Variants in RYR3 observed in about 807,000 individuals in gnomAD.
The protein encoded by RYR3 is ryanodine receptor 3.
RYR3 carries 207 observed loss-of-function variants against 584.3 expected under a neutral mutation model. That is an observed-to-expected ratio of 0.35 (90% CI 0.32 to 0.40). The LOEUF (loss-of-function observed/expected upper bound fraction) is 0.40, where lower values mean the gene tolerates loss of function less well. RYR3 is among the 10% of genes least tolerant of loss of function. RYR3 has a pLI of 1.00. For missense variants in RYR3, 5,616 were observed against 6,089.2 expected, an observed-to-expected ratio of 0.92 and a Z score of 2.59; for synonymous variants, 2,416 against 2,248.5, an observed-to-expected ratio of 1.07 and a Z score of -2.11.
At chr15:33,457,705 G>T (rs1445115575) in intron 1 of RYR3, among the ~76,000 whole-genome samples, 1 of 152,162 alleles carries the variant, frequency 6.6e-6, no homozygotes, top group African/African-American at 2.4e-5. Flanking sequence ...CTTTAAAATA[G>T]CTAGAAGAAA....
At chr15:33,442,873 T>A (rs920235559) in intron 1 of RYR3, among the ~76,000 whole-genome samples, 1 of 152,254 alleles carries the variant, frequency 6.6e-6, no homozygotes, top group Non-Finnish European at 1.5e-5. Context: ...AAAGCATATT[T>A]GCTCTTACAG....
In RYR3 at chr15:33,749,685, G is replaced by T. The variant is rs564335801; in HGVS notation, c.8200-294G>T. On this transcript the variant is annotated intron_variant, in intron 55 of 103. Coordinates refer to ENST00000634891, the MANE Select transcript of RYR3 (RefSeq NM_001036.6). ...AAGCTGCTGTGAAAAATGATGTGCT[G>T]CCAGCATGCGGGTTCAAGTGGAAAT... Among the ~76,000 whole-genome samples the T allele has an allele frequency of 2.6e-5, 4 of 152,288 alleles. No individual in the cohort carries two copies. The East Asian group carries it at 7.7e-4, about 29-fold the overall frequency.
At chr15:33,844,110 T>C (rs1208219788) in intron 92 of RYR3, among the ~76,000 whole-genome samples, 3 of 152,246 alleles carry the variant, frequency 2.0e-5, no homozygotes, top group African/African-American at 7.2e-5. Context: ...ATTCTCGACA[T>C]AGTCTTTAAC....
At chr15:33,661,169 T>C (rs2063137810) in intron 34 of RYR3, among the ~76,000 whole-genome samples, 1 of 152,070 alleles carries the variant, frequency 6.6e-6, no homozygotes, top group Non-Finnish European at 1.5e-5. Flanking sequence ...CCCAGCCAAG[T>C]AAGTCAATTC....
In RYR3 at chr15:33,664,589, G is replaced by GTGTGTATATATATA. The variant is rs577496539; in HGVS notation, c.5619+853_5619+854insGTGTATATATATAT. On this transcript the variant is annotated intron_variant, in intron 36 of 103. Coordinates refer to ENST00000634891, the MANE Select transcript of RYR3 (RefSeq NM_001036.6). The stretch of plus-strand genomic sequence containing the variant: ...TATATAGATATATGTGTGTGTGTGT[G>GTGTGTATATATATA]TATATATATATATATATATATATAT... Among the ~76,000 whole-genome samples, 32 of 91,372 alleles carry GTGTGTATATATATA rather than the reference G, an allele frequency of 3.5e-4. 1 individual carries two copies. Among genetic ancestry groups the GTGTGTATATATATA allele is most frequent in the East Asian group, 9.3e-4 (3 of 3,218 alleles). 59.9% of individuals were successfully genotyped at this position (91,372 alleles called of 152,430 possible).
rs2073310304 is a variant in RYR3, at chr15:33,768,667, C to G, written c.8715C>G (p.Cys2905Trp). 6.2e-7 allele frequency: 1 copy of G among 1,613,872 alleles called. No homozygotes were observed. The highest frequency in any genetic ancestry group is 1.3e-5 in the African/African-American group (1 of 74,918). Residue 2905 changes from cysteine (C) to tryptophan (W), a missense_variant, in exon 61 of 104, where the codon TGC (cysteine) becomes TGG (tryptophan). Cys to Trp is a radical substitution (Grantham distance 215). Coordinates refer to ENST00000634891, the MANE Select transcript of RYR3 (RefSeq NM_001036.6). ...TTCTTTTCTGCTTCAGCCTGTTCTG[C>G]AAACTTGCCGCTCTCGTTAGACACA... is the stretch of plus-strand genomic sequence containing the variant. The part of the protein sequence containing the change: ...KEKEMVAGLF[C>W]KLAALVRHRI...
chr15:33,623,686 G>A (rs973999021), intron 19 of RYR3, 121 bp from the exon 20 acceptor site: 78 of 698,878 alleles, frequency 1.1e-4, no homozygotes, highest in African/African-American at 1.4e-4. Flanking sequence ...ACCTGAAGTC[G>A]TTTACTTCTC....
At chr15:33,780,068 G>A (rs963434715) in intron 64 of RYR3, 143 bp from the exon 65 acceptor site, 3 of 830,194 alleles carry the variant, frequency 3.6e-6, no homozygotes, top group African/African-American at 1.7e-5. Flanking sequence ...TAGAGAAAGA[G>A]GAGGGGAAGA....
intron 81 of RYR3, among the ~76,000 whole-genome samples, 167 bp from the exon 82 acceptor site, chr15:33,825,436 G>A (rs1003678499): frequency 7.9e-5 from 12 of 151,972 alleles, no homozygotes; most frequent in African/African-American, 2.4e-4. Flanking sequence ...AACACTGCTC[G>A]GCACAAAACC....
At chr15:33,440,214 G>A (rs1022773481) in intron 1 of RYR3, among the ~76,000 whole-genome samples, 1 of 152,174 alleles carries the variant, frequency 6.6e-6, no homozygotes, top group African/African-American at 2.4e-5. Context: ...TTGAGCCTGG[G>A]AAATCAAGGC....
intron 16 of RYR3, among the ~76,000 whole-genome samples, chr15:33,598,451 C>A (rs1235381597): frequency 6.6e-6 from 1 of 151,820 alleles, no homozygotes; most frequent in African/African-American, 2.4e-5. Flanking sequence ...AAACTAACAA[C>A]GATCACACAA....
chr15:33,655,030 G>T (rs1253621919), intron 32 of RYR3, among the ~76,000 whole-genome samples: 1 of 152,186 alleles, frequency 6.6e-6, no homozygotes, highest in Non-Finnish European at 1.5e-5. Flanking sequence ...TTGGCACAGA[G>T]GCCGCCACCT....
At chr15:33,350,029 A>G (rs1291711706) in intron 1 of RYR3, among the ~76,000 whole-genome samples, 1 of 151,712 alleles carries the variant, frequency 6.6e-6, no homozygotes, top group Non-Finnish European at 1.5e-5. Flanking sequence ...AGTCTTTGCT[A>G]TTGTGAATAG....
At chr15:33,688,369 C>T (rs1300403917) in intron 38 of RYR3, among the ~76,000 whole-genome samples, 1 of 151,820 alleles carries the variant, frequency 6.6e-6, no homozygotes, top group African/African-American at 2.4e-5. Context: ...GACAGGAGAT[C>T]GAGACCATCC....
Position 33,614,331 on chromosome 15 carries a change from A to C in RYR3, c.2357+956A>C, listed in dbSNP as rs1305213620. ...ACATAACGGGTAACTTTTAAAAAAAATTCTAAAGAATTCCAAAGTCTGAAG... is the reference window on the plus strand; with the variant it reads ...ACATAACGGGTAACTTTTAAAAAAACTTCTAAAGAATTCCAAAGTCTGAAG... On this transcript the variant is annotated intron_variant, in intron 19 of 103. Coordinates refer to ENST00000634891, the MANE Select transcript of RYR3 (RefSeq NM_001036.6). Among the ~76,000 whole-genome samples, 4 of 152,198 alleles carry C rather than the reference A, an allele frequency of 2.6e-5. No individual in the cohort carries two copies. The East Asian group carries it at 7.7e-4, about 29-fold the overall frequency.
At chr15:33,647,941 C>A (rs2062195208) in intron 30 of RYR3, among the ~76,000 whole-genome samples, 2 of 142,386 alleles carry the variant, frequency 1.4e-5, no homozygotes, top group Non-Finnish European at 3.0e-5. Context: ...AGTCAGAAAG[C>A]AACTCCTGAT....
intron 18 of RYR3, among the ~76,000 whole-genome samples, chr15:33,607,403 C>T (rs2059960146): frequency 6.6e-6 from 1 of 152,156 alleles, no homozygotes; most frequent in Non-Finnish European, 1.5e-5. Flanking sequence ...AGCCTCCAAA[C>T]CAGGGGACGG....
At chr15:33,815,674 C>G (rs554431360) in intron 74 of RYR3, among the ~76,000 whole-genome samples, 1 of 152,170 alleles carries the variant, frequency 6.6e-6, no homozygotes, top group South Asian at 2.1e-4. Context: ...GATTTCATAA[C>G]AACAGAGAAG....
At chr15:33,389,823 G>A (rs1354034983) in intron 1 of RYR3, among the ~76,000 whole-genome samples, 2 of 152,112 alleles carry the variant, frequency 1.3e-5, no homozygotes, top group African/African-American at 2.4e-5. Context: ...TTTCAAGGAT[G>A]CAGTTTAGTA....
Sources: gnomAD v4.1 joint callset for allele counts (sites outside exome capture counted in the v4.1 genomes callset) on GRCh38, gnomAD v4.1.1 for gene constraint, MANE v1.5 for transcripts, NCBI Gene and HGNC (gene_info 2026-07-23, HGNC 2026-07-21) for gene names.